LRRTM3: variants seen among roughly 807,000 people sequenced by gnomAD.
LRRTM3 encodes the protein leucine-rich repeat transmembrane neuronal protein 3.
Under a neutral mutation model 44.7 loss-of-function variants are expected in LRRTM3, and 24 were observed. That is an observed-to-expected ratio of 0.54 (90% CI 0.39 to 0.76). The LOEUF (loss-of-function observed/expected upper bound fraction) is 0.76, where lower values mean the gene tolerates loss of function less well. LRRTM3 is among the 30% of genes least tolerant of loss of function. The pLI is 0.00. For synonymous variants in LRRTM3, 277 were observed against 278.7 expected, an observed-to-expected ratio of 0.99 and a Z score of 0.06; for missense variants, 587 against 702.2, an observed-to-expected ratio of 0.84 and a Z score of 1.85.
chr10:66,972,707 T>C (rs1419124000), intron 2 of LRRTM3, among the ~76,000 whole-genome samples: 2 of 90,610 alleles, frequency 2.2e-5, no homozygotes, highest in African/African-American at 9.0e-5. Context: ...TAGATTTTTT[T>C]TTTTTTTTTT....
chr10:66,936,743 A>G (rs149893885), intron 2 of LRRTM3, among the ~76,000 whole-genome samples: 205 of 152,244 alleles, frequency 1.3e-3, no homozygotes, highest in African/African-American at 4.7e-3. Context: ...AGTAGTATCC[A>G]TATTGAAATT....
chr10:67,063,451 C>G (rs1337473448), intron 2 of LRRTM3, among the ~76,000 whole-genome samples: 1 of 152,078 alleles, frequency 6.6e-6, no homozygotes, highest in Non-Finnish European at 1.5e-5. Context: ...ATGAGTACTC[C>G]AAGTTCCAAC....
chr10:67,069,202 A>G (rs149600097), intron 2 of LRRTM3, among the ~76,000 whole-genome samples: 174 of 152,212 alleles, frequency 1.1e-3, no homozygotes, highest in African/African-American at 3.9e-3. Flanking sequence ...GTAAAGAAAA[A>G]AGAAAAATAT....
intron 2 of LRRTM3, among the ~76,000 whole-genome samples, chr10:66,943,887 A>T (rs1848150219): frequency 1.3e-5 from 2 of 152,220 alleles, no homozygotes; most frequent in Non-Finnish European, 2.9e-5. Flanking sequence ...CTTATAATTT[A>T]AAAATACTTT....
intron 2 of LRRTM3, among the ~76,000 whole-genome samples, chr10:67,015,713 CTTTT>C (rs1340644822): frequency 6.6e-6 from 1 of 151,628 alleles, no homozygotes; most frequent in African/African-American, 2.4e-5. Flanking sequence ...CAATTTTCTT[CTTTT>C]TATTTTTTAT....
At chr10:67,013,655 T>C (rs539003685) in intron 2 of LRRTM3, among the ~76,000 whole-genome samples, 1 of 152,280 alleles carries the variant, frequency 6.6e-6, no homozygotes, top group South Asian at 2.1e-4. Flanking sequence ...ATTAATACCA[T>C]ACAGTTAAAT....
chr10:67,009,702 T>G (rs754610719), intron 2 of LRRTM3, among the ~76,000 whole-genome samples: 1 of 152,180 alleles, frequency 6.6e-6, no homozygotes, highest in Non-Finnish European at 1.5e-5. Flanking sequence ...TGGTTGTAGA[T>G]TGAGAGAAAA....
At chr10:66,985,271 T>C (rs1221564135) in intron 2 of LRRTM3, among the ~76,000 whole-genome samples, 1 of 152,210 alleles carries the variant, frequency 6.6e-6, no homozygotes, top group Admixed American at 6.5e-5. Flanking sequence ...TGTTATAAAG[T>C]TTAACAATAT....
chr10:67,032,779 T>G (rs1853813318), intron 2 of LRRTM3, among the ~76,000 whole-genome samples: 1 of 152,206 alleles, frequency 6.6e-6, no homozygotes, highest in South Asian at 2.1e-4. Flanking sequence ...TTTTCCTTTT[T>G]TTATGTGTTC....
chr10:66,989,325 C>G (rs1850910644), intron 2 of LRRTM3, among the ~76,000 whole-genome samples: 1 of 152,058 alleles, frequency 6.6e-6, no homozygotes, highest in African/African-American at 2.4e-5. Context: ...AACTTATTCC[C>G]TAAAAGTCCA....
At chr10:67,066,676 A>G (rs768387421) in intron 2 of LRRTM3, among the ~76,000 whole-genome samples, 5 of 152,192 alleles carry the variant, frequency 3.3e-5, no homozygotes, top group Non-Finnish European at 7.3e-5. Context: ...CTCATCTTGA[A>G]TAATTGTTAA....
chr10:67,069,961 A>G (rs1856346067), intron 2 of LRRTM3, among the ~76,000 whole-genome samples: 1 of 152,150 alleles, frequency 6.6e-6, no homozygotes, highest in Non-Finnish European at 1.5e-5. Flanking sequence ...TGGGATATGC[A>G]TTGTAGATGC....
At chr10:67,059,574 A>G (rs1376371455) in intron 2 of LRRTM3, among the ~76,000 whole-genome samples, 1 of 152,170 alleles carries the variant, frequency 6.6e-6, no homozygotes, top group African/African-American at 2.4e-5. Context: ...AAAATGACTG[A>G]GTCTTAAAGG....
At chr10:67,057,922 C>T (rs1855535912) in intron 2 of LRRTM3, among the ~76,000 whole-genome samples, 1 of 152,132 alleles carries the variant, frequency 6.6e-6, no homozygotes, top group Non-Finnish European at 1.5e-5. Context: ...GAAGGTAATG[C>T]TCTCAAGGAT....
At chr10:66,987,825 T>G (rs1445960876) in intron 2 of LRRTM3, among the ~76,000 whole-genome samples, 1 of 152,202 alleles carries the variant, frequency 6.6e-6, no homozygotes, top group African/African-American at 2.4e-5. Flanking sequence ...TGATCCAGAT[T>G]TAAGATTTAA....
At chr10:67,092,777 G>A (rs1447333788) in intron 2 of LRRTM3, among the ~76,000 whole-genome samples, 1 of 151,888 alleles carries the variant, frequency 6.6e-6, no homozygotes, top group Non-Finnish European at 1.5e-5. Context: ...ATGTTGATAC[G>A]AGACAGTGAT....
intron 2 of LRRTM3, among the ~76,000 whole-genome samples, chr10:67,036,669 T>C (rs79369450): frequency 6.6e-6 from 1 of 152,150 alleles, no homozygotes; most frequent in Admixed American, 6.6e-5. Context: ...AGGGGTTTTA[T>C]TTTTAAGAGT....
chr10:67,015,114 A>C (rs1227714170), intron 2 of LRRTM3, among the ~76,000 whole-genome samples: 1 of 152,160 alleles, frequency 6.6e-6, no homozygotes, highest in African/African-American at 2.4e-5. Context: ...GGTAGTAGCT[A>C]TTAACCCCAT....
In LRRTM3 at chr10:67,026,047, G is replaced by A. The variant is rs529002424; in HGVS notation, c.1537-71540G>A. On this transcript the variant is annotated intron_variant, in intron 2 of 2. Coordinates refer to ENST00000361320, the MANE Select transcript of LRRTM3 (RefSeq NM_178011.5). ...ACCGCATGTTCTCATTCATAGATGG[G>A]AATTGAACAATGAGAACACATGGAC... 2.3e-3 allele frequency among the ~76,000 whole-genome samples: 335 copies of A among 148,546 alleles called. 1 individual carries two copies. Among genetic ancestry groups the A allele is most frequent in the South Asian group, 3.5e-3 (16 of 4,588 alleles).
Sources: gnomAD v4.1 joint callset for allele counts (sites outside exome capture counted in the v4.1 genomes callset) on GRCh38, gnomAD v4.1.1 for gene constraint, MANE v1.5 for transcripts, NCBI Gene and HGNC (gene_info 2026-07-23, HGNC 2026-07-21) for gene names.